The following MCM5 variants were observed in gnomAD, a reference collection of about 807,000 sequenced individuals.
MCM5 encodes DNA replication licensing factor MCM5.
Under a neutral mutation model 79.9 loss-of-function variants are expected in MCM5, and 46 were observed. That is an observed-to-expected ratio of 0.58 (90% CI 0.45 to 0.74). The LOEUF (loss-of-function observed/expected upper bound fraction) is 0.74, where lower values mean the gene tolerates loss of function less well. Ranked by LOEUF, MCM5 falls within the 30% of genes least tolerant of loss-of-function variation. The pLI is 0.00. For missense variants in MCM5, 883 were observed against 1,017.0 expected, an observed-to-expected ratio of 0.87 and a Z score of 1.79; for synonymous variants, 404 against 390.5, an observed-to-expected ratio of 1.03 and a Z score of -0.41.
Position 35,421,312 on chromosome 22 carries a change from C to T in MCM5, c.1833-6C>T. 1.2e-6 allele frequency: 2 copies of T among 1,611,560 alleles called. No individual in the cohort carries two copies. Among genetic ancestry groups the T allele is most frequent in the African/African-American group, 1.3e-5 (1 of 75,024 alleles). On this transcript the variant is annotated splice_polypyrimidine_tract_variant and splice_region_variant and intron_variant, in intron 14 of 16. Transcript: ENST00000216122. ...GGCTACCCTGAGCACGCTGTTGCCCCCACAGGCAGCTGGAGGCCATTGTGC... is the reference window on the plus strand; with the variant it reads ...GGCTACCCTGAGCACGCTGTTGCCCTCACAGGCAGCTGGAGGCCATTGTGC...
chr22:35,413,168 G>T (rs917271305), intron 8 of MCM5, among the ~76,000 whole-genome samples: 2 of 151,752 alleles, frequency 1.3e-5, no homozygotes, highest in African/African-American at 4.8e-5. Context: ...TCAGCCTCCC[G>T]AGTAGCTGGG....
Position 35,417,870 on chromosome 22 carries a change from G to A in MCM5, c.1703+14G>A, listed in dbSNP as rs777658687. 21 of 1,600,260 alleles carry A rather than the reference G, an allele frequency of 1.3e-5. No homozygotes were observed. Among genetic ancestry groups the A allele is most frequent in the South Asian group, 2.2e-5 (2 of 90,788 alleles). ...CTACTGCCGAGTGTGAGTCCTGGACGCAGGCCCACGGGGGTGAGGTTGCCC... is the reference window on the plus strand; with the variant it reads ...CTACTGCCGAGTGTGAGTCCTGGACACAGGCCCACGGGGGTGAGGTTGCCC... On this transcript the variant is annotated intron_variant, in intron 13 of 16. Transcript: ENST00000216122.
At chr22:35,453,620 TAAAGAC>T in the MCM5 span, among the ~76,000 whole-genome samples, 12 of 137,228 alleles carry the variant, frequency 8.7e-5, no homozygotes, top group Non-Finnish European at 1.6e-4. Flanking sequence ...GACAGAGAGA[TAAAGAC>T]AGAGACAGAG....
At chr22:35,449,577 TCTCTGTCCCAGCCGTGGCCC>T in the MCM5 span, among the ~76,000 whole-genome samples, 205 of 71,562 alleles carry the variant, frequency 2.9e-3, 1 homozygote, top group African/African-American at 3.3e-3. Context: ...AGCTGTGGCC[TCTCTGTCCCAGCCGTGGCCC>T]CTCTGTCCCA....
Position 35,400,593 on chromosome 22 carries a change from C to T in MCM5, c.155C>T (p.Thr52Ile), listed in dbSNP as rs1932014776. Residue 52 changes from threonine (T) to isoleucine (I), a missense_variant, in exon 2 of 17, where the codon ACC becomes ATC. Physicochemically the swap from Thr to Ile is moderately conservative, Grantham distance 89. This residue lies in a region of MCM5 where 455 missense variants were observed against 517.5 expected (regional missense o/e 0.88). Coordinates refer to ENST00000216122, the MANE Select transcript of MCM5 (RefSeq NM_006739.4). ...YRVGTDRTGFTFKYRDELKRH... is the reference protein window; with the variant it reads ...YRVGTDRTGFIFKYRDELKRH... ...GTGGGCACCGACCGCACGGGCTTCA[C>T]CTTCAAATACAGGTGCGGCTCCTGC... The T allele has an allele frequency of 1.2e-6, 2 of 1,608,600 alleles. No homozygotes were observed. Among genetic ancestry groups the T allele is most frequent in the Non-Finnish European group, 1.7e-6 (2 of 1,176,346 alleles).
At chr22:35,449,984 A>C in the MCM5 span, among the ~76,000 whole-genome samples, 7 of 152,112 alleles carry the variant, frequency 4.6e-5, no homozygotes, top group South Asian at 1.5e-3. Flanking sequence ...GGGTCCTGCT[A>C]TGTTGCCCAG....
the MCM5 span, among the ~76,000 whole-genome samples, chr22:35,431,928 G>A: frequency 6.6e-6 from 1 of 152,224 alleles, no homozygotes; most frequent in African/African-American, 2.4e-5. Context: ...CTTTATGCCT[G>A]GTGATGGGCC....
chr22:35,400,734 C>A, intron 2 of MCM5, 129 bp downstream of exon 2: 1 of 979,344 alleles, frequency 1.0e-6, no homozygotes, highest in Non-Finnish European at 1.5e-6. Context: ...GGTCCTGGGT[C>A]ACAGGGCTCA....
At chr22:35,448,693 A>G in the MCM5 span, among the ~76,000 whole-genome samples, 2 of 152,194 alleles carry the variant, frequency 1.3e-5, no homozygotes, top group Non-Finnish European at 2.9e-5. Flanking sequence ...GGCATTGGTC[A>G]TCTATTATCA....
rs1325457588 is a variant in MCM5 at position 35,423,325 on chromosome 22, A to G, written c.2087A>G (p.Lys696Arg). The change falls in exon 16 of 17, where the codon AAG (lysine) becomes AGG (arginine). Residue 696 changes from lysine to arginine, a missense_variant. By Grantham distance (26) the Lys-to-Arg change is conservative. Around this residue, in one of 3 missense-constraint regions of MCM5, gnomAD observed 426 missense variants for 482.3 expected, o/e 0.88. Coordinates refer to ENST00000216122, the MANE Select transcript of MCM5 (RefSeq NM_006739.4). ...GSQVSEHSII[K>R]DFTKQKYPEH... ...CAGGTGTCTGAGCACAGCATCATCA[A>G]GGACTTCACCAAGCAGGTGAGCCTG... 1 of 1,603,928 alleles carries G rather than the reference A, an allele frequency of 6.2e-7. No homozygotes were observed. Among genetic ancestry groups the G allele is most frequent in the Non-Finnish European group, 8.5e-7 (1 of 1,173,424 alleles).
intron 5 of MCM5, 40 bp from the exon 6 acceptor site, chr22:35,408,368 C>G (rs1287852849): frequency 1.3e-6 from 2 of 1,582,858 alleles, no homozygotes; most frequent in East Asian, 2.3e-5. Context: ...TTTGGATTCT[C>G]CAGGTAGCTT....
chr22:35,402,338 T>G (rs1230072666), intron 2 of MCM5, among the ~76,000 whole-genome samples: 3 of 151,668 alleles, frequency 2.0e-5, no homozygotes, highest in Admixed American at 6.6e-5. Flanking sequence ...TTTGTTTTTT[T>G]TTTTTTGAGA....
chr22:35,424,416 G>T lies in MCM5; in HGVS notation c.*161G>T. On this transcript the variant is annotated 3_prime_UTR_variant, in exon 17 of 17. Coordinates refer to ENST00000216122, the MANE Select transcript of MCM5 (RefSeq NM_006739.4). ...CCAGAGGAAGGAGCTGTAGTGTCCT[G>T]CTGCCTCTGGGCGCCCGCCTCTAGC... 1.7e-6 allele frequency: 1 copy of T among 581,174 alleles called. No homozygotes were observed. The highest frequency in any genetic ancestry group is 3.1e-5 in the East Asian group (1 of 32,050). 36.0% of individuals were successfully genotyped at this position (581,174 alleles called of 1,614,324 possible).
At chr22:35,401,478 A>T (rs1357696075) in intron 2 of MCM5, 1 of 470,158 alleles carries the variant, frequency 2.1e-6, no homozygotes, top group Non-Finnish European at 4.4e-6. Flanking sequence ...TGATTGTACG[A>T]CCTGTGACAT....
At chr22:35,401,828 G>C in intron 2 of MCM5, 2 of 399,066 alleles carry the variant, frequency 5.0e-6, no homozygotes, top group South Asian at 3.6e-5. Context: ...AAAGGACTTA[G>C]GGAAGTTTTC....
chr22:35,452,584 A>C, the MCM5 span, among the ~76,000 whole-genome samples: 2 of 152,170 alleles, frequency 1.3e-5, no homozygotes. Flanking sequence ...GGCAGCGGGC[A>C]GGGCAGGGCA....
intron 15 of MCM5, chr22:35,422,920 G>C (rs993526677): frequency 2.4e-5 from 6 of 253,794 alleles, no homozygotes; most frequent in African/African-American, 6.7e-5. Context: ...CGCAGGACTT[G>C]GTCCCTAGTG....
chr22:35,418,676 T>C (rs1004930888), intron 13 of MCM5, among the ~76,000 whole-genome samples: 4 of 126,894 alleles, frequency 3.2e-5, no homozygotes. Flanking sequence ...AAAAAATATA[T>C]ATATATGTGT....
the MCM5 span, among the ~76,000 whole-genome samples, chr22:35,449,805 A>G: frequency 3.9e-5 from 6 of 152,100 alleles, no homozygotes; most frequent in Non-Finnish European, 7.4e-5. Flanking sequence ...TTTTAGAGAC[A>G]GGGTCTCACT....
Sources: gnomAD v4.1 joint callset for allele counts (sites outside exome capture counted in the v4.1 genomes callset) on GRCh38, gnomAD v4.1.1 for gene constraint, gnomAD v4.1.1 regional missense constraint, MANE v1.5 for transcripts, NCBI Gene and HGNC (gene_info 2026-07-23, HGNC 2026-07-21) for gene names.